MYO5B: variants seen among roughly 807,000 people sequenced by gnomAD.
The protein encoded by MYO5B is unconventional myosin-Vb.
Under a neutral mutation model 229.3 loss-of-function variants are expected in MYO5B, and 143 were observed. The observed-to-expected ratio is 0.62, with a 90% CI of 0.54 to 0.72. The LOEUF is 0.72. MYO5B is among the 30% of genes least tolerant of loss of function. The probability of loss-of-function intolerance (pLI) is 0.00; values close to 1 mark genes in which losing one functional copy is unlikely to be tolerated. For synonymous variants in MYO5B, 918 were observed against 885.2 expected (o/e 1.04, Z -0.66); for missense variants, 2,321 against 2,331.0 (o/e 1.00, Z 0.09).
chr18:49,827,494 T>C (rs984425960), intron 39 of MYO5B, among the ~76,000 whole-genome samples: 1 of 152,176 alleles, frequency 6.6e-6, no homozygotes, highest in African/African-American at 2.4e-5. Flanking sequence ...CTGCTTCCTA[T>C]TTGAAGCCAG....
chr18:49,973,975 T>C (rs2025717662), intron 10 of MYO5B, among the ~76,000 whole-genome samples: 1 of 152,210 alleles, frequency 6.6e-6, no homozygotes, highest in Admixed American at 6.5e-5. Flanking sequence ...ATTACTGAGA[T>C]ACAGAACTTG....
chr18:50,089,356 C>T lies in MYO5B; in HGVS notation c.28-33978G>A, dbSNP rs550351247. On this transcript the variant is annotated intron_variant, in intron 1 of 39. Coordinates refer to ENST00000285039, the MANE Select transcript of MYO5B (RefSeq NM_001080467.3). Reference sequence around the variant, plus strand: ...TCGCACCACTGCACTCTGGCCTGGGCGACAGAGCAAGACTCCGTCTCAAAA... The same window carrying T: ...TCGCACCACTGCACTCTGGCCTGGGTGACAGAGCAAGACTCCGTCTCAAAA... 5.3e-5 allele frequency among the ~76,000 whole-genome samples: 8 copies of T among 151,914 alleles called. No homozygotes were observed. The East Asian group carries it at 7.8e-4, about 15-fold the overall frequency.
At chr18:49,933,343 C>T (rs924987018) in intron 16 of MYO5B, among the ~76,000 whole-genome samples, 5 of 152,330 alleles carry the variant, frequency 3.3e-5, no homozygotes, top group South Asian at 2.1e-4. Flanking sequence ...ACAGAGCCAC[C>T]GACAGCCACT....
intron 29 of MYO5B, among the ~76,000 whole-genome samples, chr18:49,861,693 G>A (rs537006570): frequency 4.0e-4 from 61 of 152,162 alleles, no homozygotes; most frequent in Middle Eastern, 6.8e-3. Flanking sequence ...CAGGCCTTCC[G>A]GATTCTACCT....
chr18:50,004,045 A>G (rs185810652), intron 4 of MYO5B, among the ~76,000 whole-genome samples: 151 of 152,304 alleles, frequency 9.9e-4, no homozygotes, highest in African/African-American at 3.5e-3. Context: ...GATGCTTGTC[A>G]CTGTTCACCT....
At chr18:49,987,264 A>G (rs955048483) in intron 7 of MYO5B, among the ~76,000 whole-genome samples, 2 of 152,172 alleles carry the variant, frequency 1.3e-5, no homozygotes, top group Non-Finnish European at 2.9e-5. Flanking sequence ...TTTCTACTGA[A>G]TGATCTGAAA....
intron 22 of MYO5B, among the ~76,000 whole-genome samples, chr18:49,894,285 G>C (rs2024751736): frequency 6.6e-6 from 1 of 152,104 alleles, no homozygotes; most frequent in African/African-American, 2.4e-5. Context: ...GGTGGTGGGA[G>C]GGGGGGCGGT....
intron 1 of MYO5B, among the ~76,000 whole-genome samples, chr18:50,065,398 T>A (rs2030794790): frequency 1.3e-5 from 2 of 152,156 alleles, no homozygotes; most frequent in Non-Finnish European, 2.9e-5. Context: ...CACTCAGTTC[T>A]GCATGGCTGG....
intron 1 of MYO5B, among the ~76,000 whole-genome samples, chr18:50,135,116 C>T (rs549121164): frequency 2.0e-5 from 3 of 152,308 alleles, no homozygotes; most frequent in Admixed American, 1.3e-4. Flanking sequence ...TTTCTCCTGA[C>T]CCAACTGCCA....
intron 10 of MYO5B, among the ~76,000 whole-genome samples, chr18:49,973,972 A>G (rs1439496760): frequency 1.3e-5 from 2 of 152,216 alleles, no homozygotes; most frequent in African/African-American, 2.4e-5. Flanking sequence ...AACATTACTG[A>G]GATACAGAAC....
At chr18:50,086,332 C>T (rs934582217) in intron 1 of MYO5B, among the ~76,000 whole-genome samples, 1 of 152,176 alleles carries the variant, frequency 6.6e-6, no homozygotes, top group Non-Finnish European at 1.5e-5. Context: ...TGACTAGATA[C>T]ACCTGTAAAT....
chr18:50,175,837 G>A (rs2032987824), intron 1 of MYO5B, among the ~76,000 whole-genome samples: 1 of 152,224 alleles, frequency 6.6e-6, no homozygotes, highest in Non-Finnish European at 1.5e-5. Flanking sequence ...ATTCCACCAC[G>A]GAGGGGTTGA....
rs763723697 is a variant in MYO5B, at chr18:49,864,177, C to G, written c.3807G>C (p.Val1269=). Residue 1269 remains valine (V), a synonymous_variant, in exon 28 of 40, where the codon GTG becomes GTC. Coordinates refer to ENST00000285039, the MANE Select transcript of MYO5B (RefSeq NM_001080467.3). ...CGGCGAGTCGCCGCTGGTCGGCGCT[C>G]ACGATCTGGGTCCTGAGGATGAGCA... ...EEVLILRTQI[V]SADQRRLAGR... 6.2e-7 allele frequency: 1 copy of G among 1,612,224 alleles called. No homozygotes were observed. Among genetic ancestry groups the G allele is most frequent in the East Asian group, 2.2e-5 (1 of 44,880 alleles).
chr18:50,035,068 G>T (rs553311618), intron 4 of MYO5B, among the ~76,000 whole-genome samples: 1 of 152,262 alleles, frequency 6.6e-6, no homozygotes, highest in African/African-American at 2.4e-5. Flanking sequence ...TCTCAAGCAA[G>T]TGAAATAACC....
rs142631209 is a variant in MYO5B, at chr18:50,190,203, T to C, written c.27+4564A>G. On this transcript the variant is annotated intron_variant, in intron 1 of 39. Transcript: ENST00000285039. ...AACTCTTCTATAGATAAGAGTTGTA[T>C]TATTCAGCCTGAGAAGGAGAGGTTA... 6.1e-3 allele frequency among the ~76,000 whole-genome samples: 935 copies of C among 152,362 alleles called. 12 individuals carry two copies. The highest frequency in any genetic ancestry group is 6.8e-3 in the Non-Finnish European group (465 of 68,042).
chr18:49,878,670 G>A (rs751513080), intron 24 of MYO5B, among the ~76,000 whole-genome samples: 8 of 152,094 alleles, frequency 5.3e-5, no homozygotes, highest in South Asian at 2.1e-4. Context: ...GAATGTTCCC[G>A]TAACAGGAAA....
chr18:49,894,893 G>A (rs745866506), intron 22 of MYO5B, 48 bp downstream of exon 22: 1 of 1,541,034 alleles, frequency 6.5e-7, no homozygotes, highest in Non-Finnish European at 8.9e-7. Context: ...GGCTCCGTGT[G>A]CCCACCCACT....
chr18:50,103,893 A>G (rs968941162), intron 1 of MYO5B, among the ~76,000 whole-genome samples: 2 of 152,060 alleles, frequency 1.3e-5, no homozygotes, highest in African/African-American at 4.8e-5. Flanking sequence ...AGCATGCATC[A>G]TCATCTGGGA....
chr18:49,984,367 T>G (rs2025848121), intron 8 of MYO5B, among the ~76,000 whole-genome samples: 1 of 152,228 alleles, frequency 6.6e-6, no homozygotes, highest in Non-Finnish European at 1.5e-5. Context: ...GTGTTCTTCC[T>G]GCTAGAGCAC....
Sources: gnomAD v4.1 joint callset for allele counts (sites outside exome capture counted in the v4.1 genomes callset) on GRCh38, gnomAD v4.1.1 for gene constraint, MANE v1.5 for transcripts, NCBI Gene and HGNC (gene_info 2026-07-23, HGNC 2026-07-21) for gene names.